Variants in CAMTA1 observed in about 807,000 individuals in gnomAD.
CAMTA1 encodes calmodulin-binding transcription activator 1.
A neutral mutation model predicts 170.9 loss-of-function variants in CAMTA1; 27 were observed. The observed-to-expected ratio is 0.16, with a 90% CI of 0.12 to 0.22. CAMTA1 has a LOEUF of 0.22. Among genes scored for constraint, CAMTA1 ranks in the 10% least tolerant of loss-of-function variants. The pLI is 1.00. For synonymous variants in CAMTA1, 833 were observed against 891.5 expected (o/e 0.93, Z 1.17); for missense variants, 1,619 against 2,217.2 (o/e 0.73, Z 5.42).
At chr1:7,647,908 A>T (rs2095820719) in intron 7 of CAMTA1, among the ~76,000 whole-genome samples, 1 of 152,142 alleles carries the variant, frequency 6.6e-6, no homozygotes, top group African/African-American at 2.4e-5. Flanking sequence ...ACATGGCGAG[A>T]CCCTGTCTCT....
intron 5 of CAMTA1, among the ~76,000 whole-genome samples, chr1:7,341,953 T>C (rs2083865378): frequency 6.6e-6 from 1 of 152,202 alleles, no homozygotes; most frequent in African/African-American, 2.4e-5. Context: ...AGAATCCTTC[T>C]GAGTGTAAGC....
chr1:6,857,299 C>G (rs1662797000), intron 3 of CAMTA1, among the ~76,000 whole-genome samples: 1 of 152,172 alleles, frequency 6.6e-6, no homozygotes, highest in Non-Finnish European at 1.5e-5. Context: ...CTGGGAGAGA[C>G]AGGGAGACAT....
rs1206911461 is a variant in CAMTA1 at position 7,277,766 on chromosome 1, TACACACAC to T, written c.438+28141_438+28148del. 3.4e-3 allele frequency among the ~76,000 whole-genome samples: 392 copies of T among 116,318 alleles called. 17 individuals carry two copies. In the East Asian group the frequency reaches 0.086, roughly 26 times the overall value. 76.3% of individuals were successfully genotyped at this position (116,318 alleles called of 152,430 possible). On this transcript the variant is annotated intron_variant, in intron 5 of 22. Transcript: ENST00000303635. ...TGAATGCTTTTCACATACACACACA[TACACACAC>T]TTTTTTTTTTTACTAAAATAAGGGG...
At chr1:7,236,637 A>G (rs1345898676) in intron 4 of CAMTA1, among the ~76,000 whole-genome samples, 3 of 152,198 alleles carry the variant, frequency 2.0e-5, no homozygotes, top group Non-Finnish European at 4.4e-5. Context: ...AGCAATACCC[A>G]GCTACTAAAG....
intron 5 of CAMTA1, among the ~76,000 whole-genome samples, chr1:7,466,595 G>C (rs2093216423): frequency 1.3e-5 from 2 of 152,160 alleles, no homozygotes; most frequent in Admixed American, 1.3e-4. Context: ...TGGTTCAAGG[G>C]TATGGGGACA....
chr1:7,223,512 A>G (rs1661187244), intron 4 of CAMTA1, among the ~76,000 whole-genome samples: 1 of 151,928 alleles, frequency 6.6e-6, no homozygotes, highest in Non-Finnish European at 1.5e-5. Context: ...AGTGACTCTT[A>G]CCTCCTTGAG....
chr1:7,502,244 C>T (rs1253220842), intron 6 of CAMTA1, among the ~76,000 whole-genome samples: 1 of 152,196 alleles, frequency 6.6e-6, no homozygotes, highest in Non-Finnish European at 1.5e-5. Context: ...CCCTGGCCAA[C>T]GGCAAGCCTA....
intron 3 of CAMTA1, among the ~76,000 whole-genome samples, chr1:6,889,806 GT>G (rs1258561973): frequency 1.3e-5 from 2 of 152,196 alleles, no homozygotes; most frequent in East Asian, 3.9e-4. Flanking sequence ...ATCACTCTTA[GT>G]TTTATTTTAT....
At chr1:7,709,659 T>A (rs1424789129) in intron 11 of CAMTA1, among the ~76,000 whole-genome samples, 1 of 152,188 alleles carries the variant, frequency 6.6e-6, no homozygotes, top group Admixed American at 6.5e-5. Flanking sequence ...GCCCACTGTC[T>A]AGGGATGTGT....
intron 3 of CAMTA1, among the ~76,000 whole-genome samples, chr1:7,022,699 G>A (rs1701531939): frequency 6.6e-6 from 1 of 152,110 alleles, no homozygotes; most frequent in South Asian, 2.1e-4. Context: ...TATGTCTAGG[G>A]CTTAACGTGT....
At chr1:7,101,167 C>G (rs950758159) in intron 4 of CAMTA1, among the ~76,000 whole-genome samples, 3 of 152,226 alleles carry the variant, frequency 2.0e-5, no homozygotes, top group Non-Finnish European at 1.5e-5. Flanking sequence ...GCAGTTTATT[C>G]TTAGCATCTT....
chr1:6,888,025 C>T, intron 3 of CAMTA1: 1 of 1,129,900 alleles, frequency 8.9e-7, no homozygotes. Flanking sequence ...CCTCAGCAAG[C>T]TGCCTTTTTC....
rs1672424883 is a variant in CAMTA1, at chr1:7,286,911, G to C, written c.438+37285G>C. Reference sequence around the variant, plus strand: ...AGATTGTTATGGAGAGTTTAGCTCAGTGCCTTCCATCGACTTGACACTCAG... The same window carrying C: ...AGATTGTTATGGAGAGTTTAGCTCACTGCCTTCCATCGACTTGACACTCAG... On this transcript the variant is annotated intron_variant, in intron 5 of 22. Coordinates refer to ENST00000303635, the MANE Select transcript of CAMTA1 (RefSeq NM_015215.4). This position sits in a 1 kb window ranked among gnomAD's most constrained non-coding sequence, Gnocchi z 4.2. Among the ~76,000 whole-genome samples the C allele has an allele frequency of 1.3e-5, 2 of 152,218 alleles. No homozygotes were observed. The highest frequency in any genetic ancestry group is 4.8e-5 in the African/African-American group (2 of 41,472).
chr1:7,310,330 T>C (rs1457216956), intron 5 of CAMTA1, among the ~76,000 whole-genome samples: 1 of 152,250 alleles, frequency 6.6e-6, no homozygotes, highest in Non-Finnish European at 1.5e-5. Flanking sequence ...CAATAACTTT[T>C]TTCTGTAAAG....
intron 4 of CAMTA1, among the ~76,000 whole-genome samples, chr1:7,131,514 C>T (rs941189453): frequency 2.0e-5 from 3 of 147,452 alleles, no homozygotes; most frequent in Admixed American, 1.3e-4. Context: ...GGTCAAGGAT[C>T]GTCTTTTCTT....
At chr1:7,137,477 T>A (rs1351005449) in intron 4 of CAMTA1, among the ~76,000 whole-genome samples, 4 of 152,206 alleles carry the variant, frequency 2.6e-5, no homozygotes, top group Non-Finnish European at 5.9e-5. Context: ...AACAGGTACC[T>A]GTGCTAACTG....
intron 6 of CAMTA1, among the ~76,000 whole-genome samples, chr1:7,616,659 T>C (rs773763637): frequency 1.1e-4 from 16 of 151,900 alleles, no homozygotes; most frequent in Non-Finnish European, 2.2e-4. Context: ...AGGGGGACCC[T>C]AGGGAGGCCA....
At chr1:6,892,790 G>A (rs1571439075) in intron 3 of CAMTA1, among the ~76,000 whole-genome samples, 2 of 152,170 alleles carry the variant, frequency 1.3e-5, no homozygotes, top group East Asian at 3.9e-4. Flanking sequence ...AGGAGCTCAT[G>A]TGCTGGTGGC....
At chr1:7,662,477 G>A (rs1430651365) in intron 8 of CAMTA1, among the ~76,000 whole-genome samples, 1 of 152,054 alleles carries the variant, frequency 6.6e-6, no homozygotes, top group African/African-American at 2.4e-5. Flanking sequence ...TTGGTGGTGA[G>A]GCCATAACAG....
Sources: allele counts gnomAD v4.1 joint callset (sites outside exome capture counted in the v4.1 genomes callset), GRCh38; gene constraint gnomAD v4.1.1; non-coding constraint Gnocchi (gnomAD v3.1); transcripts MANE v1.5; gene names NCBI Gene and HGNC (gene_info 2026-07-23, HGNC 2026-07-21).